Variants in PRDM16 observed in about 807,000 individuals in gnomAD.
PRDM16 encodes the protein histone-lysine N-methyltransferase PRDM16.
Under a neutral mutation model 110.6 loss-of-function variants are expected in PRDM16, and 23 were observed. The observed-to-expected ratio is 0.21, with a 90% CI of 0.15 to 0.29. The LOEUF (loss-of-function observed/expected upper bound fraction) is 0.29. PRDM16 is among the 10% of genes least tolerant of loss of function. The pLI, the probability that PRDM16 is intolerant of heterozygous loss-of-function variation, is 1.00. For missense variants in PRDM16, 1,615 were observed against 1,794.3 expected, an observed-to-expected ratio of 0.90 and a Z score of 1.81; for synonymous variants, 799 against 781.8, an observed-to-expected ratio of 1.02 and a Z score of -0.37.
chr1:3,229,986 T>A lies in PRDM16; in HGVS notation c.388-14101T>A, dbSNP rs147863414. Among the ~76,000 whole-genome samples the A allele has an allele frequency of 1.1e-4, 16 of 152,326 alleles. No homozygotes were observed. In the East Asian group the frequency reaches 3.1e-3, roughly 29 times the overall value. ...GTGTCGGGACCAAAAGCAGCTGCCC[T>A]GGCGCCCGCGTTTAGTTTGCATGAA... On this transcript the variant is annotated intron_variant, in intron 2 of 16. Transcript: ENST00000270722.
chr1:3,274,431 G>C (rs1388634021), intron 3 of PRDM16, among the ~76,000 whole-genome samples: 3 of 152,114 alleles, frequency 2.0e-5, no homozygotes, highest in Non-Finnish European at 4.4e-5. Flanking sequence ...AAACCCTGAA[G>C]GTTTATGCAG....
chr1:3,112,727 G>T (rs141137591), intron 1 of PRDM16, among the ~76,000 whole-genome samples: 29 of 152,362 alleles, frequency 1.9e-4, no homozygotes, highest in Non-Finnish European at 3.5e-4. Flanking sequence ...GCTGCTCCCC[G>T]GTGAGGGTTT....
chr1:3,173,361 C>T lies in PRDM16; in HGVS notation c.38-12764C>T, dbSNP rs373685889. Among the ~76,000 whole-genome samples, 65 of 152,278 alleles carry T rather than the reference C, an allele frequency of 4.3e-4. No individual in the cohort carries two copies. In the East Asian group the frequency reaches 9.7e-3, roughly 23 times the overall value. ...CAGCGCCTGCCCGGGGCGATGGAGG[C>T]GGCGAGGAAATACAGGATGCGGGCT... is the stretch of plus-strand genomic sequence containing the variant. On this transcript the variant is annotated intron_variant, in intron 1 of 16. Coordinates refer to ENST00000270722, the MANE Select transcript of PRDM16 (RefSeq NM_022114.4).
chr1:3,340,637 A>G (rs1642252570), intron 3 of PRDM16, among the ~76,000 whole-genome samples: 1 of 152,184 alleles, frequency 6.6e-6, no homozygotes, highest in Admixed American at 6.5e-5. Context: ...GACACTCAAT[A>G]AGCCAATTGT....
At chr1:3,197,600 T>C (rs1638512041) in intron 2 of PRDM16, among the ~76,000 whole-genome samples, 1 of 152,232 alleles carries the variant, frequency 6.6e-6, no homozygotes, top group African/African-American at 2.4e-5. Flanking sequence ...CCACTAAGAC[T>C]GAAGAATCTA....
In PRDM16 at chr1:3,190,387, G is replaced by A. The variant is rs192124020; in HGVS notation, c.387+3913G>A. Among the ~76,000 whole-genome samples, 96 of 152,354 alleles carry A rather than the reference G, an allele frequency of 6.3e-4. No homozygotes were observed. Among genetic ancestry groups the A allele is most frequent in the African/African-American group, 2.3e-3 (94 of 41,576 alleles). ...CTCCGGCCTCAGTTGCTGGTCGGAAGCCTGCATTCCTTCTACGCTGAGGCT... is the reference window on the plus strand; with the variant it reads ...CTCCGGCCTCAGTTGCTGGTCGGAAACCTGCATTCCTTCTACGCTGAGGCT... On this transcript the variant is annotated intron_variant, in intron 2 of 16. Coordinates refer to ENST00000270722, the MANE Select transcript of PRDM16 (RefSeq NM_022114.4). The surrounding 1 kb of genome is among the most constrained non-coding windows in gnomAD (Gnocchi z 5.0).
chr1:3,234,082 G>A (rs1050660719), intron 2 of PRDM16, among the ~76,000 whole-genome samples: 16 of 152,070 alleles, frequency 1.1e-4, no homozygotes, highest in South Asian at 2.1e-4. Context: ...CGGGGTTTGC[G>A]ATTGGGTCGG....
chr1:3,311,466 A>G (rs1289955568), intron 3 of PRDM16, among the ~76,000 whole-genome samples: 2 of 152,240 alleles, frequency 1.3e-5, no homozygotes, highest in African/African-American at 4.8e-5. Flanking sequence ...CATGAAGCCC[A>G]GACCCAGCAG....
chr1:3,349,039 C>A (rs1642422831), intron 3 of PRDM16, among the ~76,000 whole-genome samples: 1 of 152,214 alleles, frequency 6.6e-6, no homozygotes, highest in African/African-American at 2.4e-5. Flanking sequence ...GGGGGCGGGG[C>A]CCAGCATGGC....
At chr1:3,253,384 G>A (rs1214395627) in intron 3 of PRDM16, among the ~76,000 whole-genome samples, 1 of 110,448 alleles carries the variant, frequency 9.1e-6, no homozygotes, top group Admixed American at 1.4e-4. Context: ...ACAGTCCCCA[G>A]AGTGTGATGT....
intron 16 of PRDM16, among the ~76,000 whole-genome samples, 164 bp from the exon 17 acceptor site, chr1:3,433,513 C>T (rs560868553): frequency 7.6e-5 from 11 of 144,118 alleles, no homozygotes; most frequent in Admixed American, 6.8e-4. Flanking sequence ...GCCCTGCCCA[C>T]GCGCTCACCT....
At chr1:3,183,866 T>C (rs977085111) in intron 1 of PRDM16, among the ~76,000 whole-genome samples, 1 of 152,224 alleles carries the variant, frequency 6.6e-6, no homozygotes, top group African/African-American at 2.4e-5. Context: ...CTACTTGTCC[T>C]TCGGGCAGAG....
chr1:3,204,832 A>G (rs889405676), intron 2 of PRDM16, among the ~76,000 whole-genome samples: 1 of 152,184 alleles, frequency 6.6e-6, no homozygotes, highest in Non-Finnish European at 1.5e-5. Context: ...ATGGGCGGGC[A>G]GGCAGGAAAG....
chr1:3,385,526 A>G (rs1643180614), intron 4 of PRDM16, among the ~76,000 whole-genome samples: 1 of 152,182 alleles, frequency 6.6e-6, no homozygotes, highest in Non-Finnish European at 1.5e-5. Context: ...TGAGGCTGGC[A>G]GTTCCTGAAC....
At chr1:3,351,315 T>C (rs542461437) in intron 3 of PRDM16, among the ~76,000 whole-genome samples, 1 of 152,106 alleles carries the variant, frequency 6.6e-6, no homozygotes, top group South Asian at 2.1e-4. Flanking sequence ...GAGAGACTTC[T>C]GATTGAGGAA....
chr1:3,373,756 G>GA (rs962021067), intron 3 of PRDM16, among the ~76,000 whole-genome samples: 1 of 152,212 alleles, frequency 6.6e-6, no homozygotes. Context: ...ACCTCCGTGA[G>GA]AAAAACAGCA....
intron 1 of PRDM16, among the ~76,000 whole-genome samples, chr1:3,178,753 G>A (rs1337903588): frequency 1.3e-5 from 2 of 152,126 alleles, no homozygotes; most frequent in African/African-American, 4.8e-5. Context: ...CCTCCTGGAG[G>A]CTTTGCTGAA....
intron 3 of PRDM16, among the ~76,000 whole-genome samples, chr1:3,300,824 T>C (rs948613770): frequency 5.9e-5 from 9 of 152,218 alleles, no homozygotes; most frequent in African/African-American, 1.9e-4. Flanking sequence ...TATGGAAATA[T>C]CTTCCTTCAA....
At chr1:3,182,037 G>A (rs538207914) in intron 1 of PRDM16, among the ~76,000 whole-genome samples, 16 of 152,330 alleles carry the variant, frequency 1.1e-4, no homozygotes, top group South Asian at 8.3e-4. Context: ...GCTTACACAC[G>A]GATACTCATG....
Sources: allele counts gnomAD v4.1 joint callset (sites outside exome capture counted in the v4.1 genomes callset), GRCh38; gene constraint gnomAD v4.1.1; non-coding constraint Gnocchi (gnomAD v3.1); transcripts MANE v1.5; gene names NCBI Gene and HGNC (gene_info 2026-07-23, HGNC 2026-07-21).